Variants in TIAM2 observed in about 807,000 individuals in gnomAD.
TIAM2 encodes rho guanine nucleotide exchange factor TIAM2.
A neutral mutation model predicts 152.9 loss-of-function variants in TIAM2; 80 were observed. The ratio of observed to expected loss-of-function variants is 0.52; its 90% CI spans 0.44 to 0.63. TIAM2 has a LOEUF of 0.63. Among genes scored for constraint, TIAM2 ranks in the 30% least tolerant of loss-of-function variants. The probability of loss-of-function intolerance (pLI) is 0.00; values close to 1 mark genes in which losing one functional copy is unlikely to be tolerated. For missense variants in TIAM2, 1,965 were observed against 2,120.1 expected (o/e 0.93, Z 1.44); for synonymous variants, 804 against 838.0 (o/e 0.96, Z 0.70).
intron 19 of TIAM2, 103 bp downstream of exon 19, chr6:155,245,834 G>T (rs921311743): frequency 3.7e-4 from 283 of 768,248 alleles, no homozygotes; most frequent in Admixed American, 6.7e-4. Flanking sequence ...GTACAATTTT[G>T]ATGTATTAAG....
chr6:155,201,775 A>T (rs1478500004), intron 14 of TIAM2, among the ~76,000 whole-genome samples: 1 of 152,200 alleles, frequency 6.6e-6, no homozygotes, highest in Admixed American at 6.5e-5. Flanking sequence ...TCACAAGACA[A>T]TTGAAACAGA....
At chr6:154,998,563 T>G (rs1177819802) in intron 1 of TIAM2, among the ~76,000 whole-genome samples, 1 of 152,176 alleles carries the variant, frequency 6.6e-6, no homozygotes, top group Non-Finnish European at 1.5e-5. Flanking sequence ...TCTGGTGGCA[T>G]TTTTCAAGCT....
At chr6:155,128,383 T>C (rs1185967442) in intron 3 of TIAM2, among the ~76,000 whole-genome samples, 6 of 152,112 alleles carry the variant, frequency 3.9e-5, no homozygotes, top group Non-Finnish European at 8.8e-5. Context: ...CAACAGAGCC[T>C]GGTACCTGGT....
chr6:155,141,005 T>TA (rs1049802674), intron 5 of TIAM2, among the ~76,000 whole-genome samples: 14 of 152,312 alleles, frequency 9.2e-5, no homozygotes, highest in African/African-American at 2.4e-4. Context: ...TCCTGTATTT[T>TA]ATCCCAAAAG....
At chr6:155,147,626 C>G (rs891053762) in intron 6 of TIAM2, among the ~76,000 whole-genome samples, 1 of 152,198 alleles carries the variant, frequency 6.6e-6, no homozygotes, top group Non-Finnish European at 1.5e-5. Flanking sequence ...GCTGGGCTTA[C>G]AGGCATGCGC....
At chr6:155,067,628 GGATGAT>G (rs377646946) in intron 1 of TIAM2, among the ~76,000 whole-genome samples, 1 of 117,690 alleles carries the variant, frequency 8.5e-6, no homozygotes, top group Non-Finnish European at 1.8e-5. Flanking sequence ...TGAGGGTTAG[GGATGAT>G]GATGATGTTG....
chr6:155,235,144 G>A (rs983131278), intron 15 of TIAM2, among the ~76,000 whole-genome samples: 3 of 152,242 alleles, frequency 2.0e-5, no homozygotes, highest in African/African-American at 7.2e-5. Flanking sequence ...AAGCCCTGGA[G>A]AGTCATGGTA....
intron 14 of TIAM2, among the ~76,000 whole-genome samples, chr6:155,187,366 G>T (rs1781064127): frequency 1.3e-5 from 2 of 152,116 alleles, no homozygotes; most frequent in South Asian, 4.1e-4. Context: ...TTGCTATTAA[G>T]GTTCTGCTTT....
At chr6:155,070,031 C>G (rs71575014) in intron 1 of TIAM2, among the ~76,000 whole-genome samples, 1 of 149,758 alleles carries the variant, frequency 6.7e-6, no homozygotes, top group Admixed American at 6.7e-5. Context: ...CTCAGCCTCC[C>G]GAGTAGCTGG....
chr6:154,996,785 A>G (rs1399906666), intron 1 of TIAM2, among the ~76,000 whole-genome samples: 1 of 152,218 alleles, frequency 6.6e-6, no homozygotes, highest in Non-Finnish European at 1.5e-5. Flanking sequence ...ATATAGTATC[A>G]TGATTGGTGC....
intron 2 of TIAM2, among the ~76,000 whole-genome samples, chr6:155,109,422 A>T (rs1052585551): frequency 6.6e-6 from 1 of 152,350 alleles, no homozygotes; most frequent in Non-Finnish European, 1.5e-5. Flanking sequence ...CTTTACTAGA[A>T]GGGCTAGAAA....
intron 1 of TIAM2, among the ~76,000 whole-genome samples, chr6:155,060,768 G>T (rs989376727): frequency 6.6e-6 from 1 of 152,168 alleles, no homozygotes; most frequent in African/African-American, 2.4e-5. Flanking sequence ...GGTGGCGCAT[G>T]CCTGTTACCC....
intron 2 of TIAM2, among the ~76,000 whole-genome samples, chr6:155,114,037 T>TATATATATATATATA (rs1381031482): frequency 3.3e-3 from 95 of 28,436 alleles, no homozygotes; most frequent in Non-Finnish European, 4.6e-3. Flanking sequence ...TATATATATA[T>TATATATATATATATA]TTTTTTTTTT....
rs538700552 is a variant in TIAM2, at chr6:155,099,804, A to G, written c.-118+9425A>G. 1.6e-4 allele frequency among the ~76,000 whole-genome samples: 25 copies of G among 152,358 alleles called. No homozygotes were observed. In the East Asian group the frequency reaches 4.8e-3, roughly 29 times the overall value. ...GAGAAAAGTGTAAGATGATTTCCTC[A>G]TTGTGTGAACATCATAGAGTGTACT... On this transcript the variant is annotated intron_variant, in intron 2 of 26. Coordinates refer to ENST00000682666, the MANE Select transcript of TIAM2 (RefSeq NM_012454.4).
At chr6:155,250,747 A>G (rs1783604935) in intron 21 of TIAM2, 166 bp from the exon 22 acceptor site, 1 of 1,144,402 alleles carries the variant, frequency 8.7e-7, no homozygotes. Context: ...CTTAACTCAT[A>G]TTTTCAAAAG....
At chr6:155,007,871 C>T (rs1350502674) in intron 1 of TIAM2, among the ~76,000 whole-genome samples, 1 of 152,054 alleles carries the variant, frequency 6.6e-6, no homozygotes, top group African/African-American at 2.4e-5. Flanking sequence ...TGGTGTGTGT[C>T]GAGAAGAGAA....
At chr6:155,021,122 C>T (rs950426401) in intron 1 of TIAM2, among the ~76,000 whole-genome samples, 1 of 152,114 alleles carries the variant, frequency 6.6e-6, no homozygotes, top group Non-Finnish European at 1.5e-5. Flanking sequence ...TGTTTGTCTG[C>T]CCATTGGTCC....
intron 1 of TIAM2, among the ~76,000 whole-genome samples, chr6:155,024,638 T>G (rs1776561857): frequency 8.9e-6 from 1 of 112,552 alleles, no homozygotes; most frequent in South Asian, 3.5e-4. Context: ...AAATGTGGTA[T>G]AAATCCATGT....
chr6:155,043,756 C>T (rs78563474), intron 1 of TIAM2, among the ~76,000 whole-genome samples: 3,182 of 152,038 alleles, frequency 0.021, 104 homozygotes, highest in African/African-American at 0.072. Flanking sequence ...TGATCTGGTC[C>T]CAATCTTTCA....
Sources: allele counts gnomAD v4.1 joint callset (sites outside exome capture counted in the v4.1 genomes callset), GRCh38; gene constraint gnomAD v4.1.1; transcripts MANE v1.5; gene names NCBI Gene and HGNC (gene_info 2026-07-23, HGNC 2026-07-21).